The following TSPOAP1 variants were observed in gnomAD, a reference collection of about 807,000 sequenced individuals.
TSPOAP1 encodes TSPO associated protein 1, also known as peripheral-type benzodiazepine receptor-associated protein 1.
In TSPOAP1, 87 loss-of-function variants were observed where a neutral mutation model predicts 197.0. The ratio of observed to expected loss-of-function variants is 0.44; its 90% confidence interval spans 0.37 to 0.53. The LOEUF (loss-of-function observed/expected upper bound fraction) is 0.53, where lower values mean the gene tolerates loss of function less well. TSPOAP1 is among the 20% of genes least tolerant of loss of function. The pLI is 0.00. For synonymous variants in TSPOAP1, 913 were observed against 998.9 expected (o/e 0.91, Z 1.62); for missense variants, 2,174 against 2,411.3 (o/e 0.90, Z 2.06).
At chr17:58,303,129 TG>T (rs1322820775) in intron 31 of TSPOAP1, 1 of 152,448 alleles carries the variant, frequency 6.6e-6, no homozygotes, top group Non-Finnish European at 1.5e-5. Context: ...AATCTCCTCC[TG>T]ACTCCACTCC....
intron 4 of TSPOAP1, chr17:58,325,309 G>A (rs1160878489): frequency 3.2e-6 from 2 of 634,044 alleles, no homozygotes; most frequent in African/African-American, 1.8e-5. Context: ...CAGACCCACC[G>A]GCAAACAGCC....
Position 58,324,985 on chromosome 17 carries a change from G to T in TSPOAP1, c.768C>A (p.Leu256=). ...GCAGCCGATCGAAGTCCCGCACGTGGAGCCACTGGGGACCCTCCTGAGGTT... is the reference window on the plus strand; with the variant it reads ...GCAGCCGATCGAAGTCCCGCACGTGTAGCCACTGGGGACCCTCCTGAGGTT... ...TLVGKEGPQW[L]HVRDFDRLLR... is the part of the protein sequence containing the mutation. The change falls in exon 5 of 32, where the codon CTC becomes CTA. Residue 256 remains leucine (L), a synonymous_variant. Coordinates refer to ENST00000343736, the MANE Select transcript of TSPOAP1 (RefSeq NM_004758.4). The surrounding 1 kb of genome is among the most constrained non-coding windows in gnomAD (Gnocchi z 5.8). 6.5e-7 allele frequency: 1 copy of T among 1,536,420 alleles called. No homozygotes were observed. Among genetic ancestry groups the T allele is most frequent in the Non-Finnish European group, 8.8e-7 (1 of 1,142,262 alleles).
chr17:58,313,865 C>T (rs1971140727), intron 16 of TSPOAP1, among the ~76,000 whole-genome samples: 1 of 152,192 alleles, frequency 6.6e-6, no homozygotes, highest in African/African-American at 2.4e-5. Context: ...GCAGTCAATC[C>T]AGGCAACCAC....
chr17:58,305,975 G>A (rs2144027953), intron 26 of TSPOAP1, 110 bp from the exon 27 acceptor site: 1 of 1,261,940 alleles, frequency 7.9e-7, no homozygotes, highest in African/African-American at 1.5e-5. Context: ...GGCAAGGAAG[G>A]CTGCCGAGGG....
chr17:58,322,046 G>C lies in TSPOAP1; in HGVS notation c.1422+262C>G, dbSNP rs2143115090. The C allele has an allele frequency of 8.6e-6, 4 of 464,694 alleles. No individual in the cohort carries two copies. The South Asian group carries it at 1.4e-4, about 16-fold the overall frequency. The allele number at this position is 464,694 out of a possible 1,614,324, so 28.8% of individuals were successfully genotyped here. A position where few individuals can be genotyped will look rare whatever the true frequency, so the allele number is the denominator to read the frequency against. ...TCACCTCCTCAGGGAGGCCTTCCCT[G>C]ATGACCTCTAAAGTGGCTCCTCACC... On this transcript the variant is annotated intron_variant, in intron 10 of 31. Transcript: ENST00000343736. This position sits in a 1 kb window ranked among gnomAD's most constrained non-coding sequence, Gnocchi z 5.0.
Position 58,322,567 on chromosome 17 carries a change from A to G in TSPOAP1, c.1317+87T>C. The G allele has an allele frequency of 1.3e-6, 2 of 1,578,450 alleles. No individual in the cohort carries two copies. Among genetic ancestry groups the G allele is most frequent in the East Asian group, 2.2e-5 (1 of 44,470 alleles). On this transcript the variant is annotated intron_variant, in intron 9 of 31. Coordinates refer to ENST00000343736, the MANE Select transcript of TSPOAP1 (RefSeq NM_004758.4). The surrounding 1 kb of genome is among the most constrained non-coding windows in gnomAD (Gnocchi z 5.0). ...AGCTCCAGGCCCAGGCCTCAGAGCTAGTGCCCCTCACTAAGAATATTCTGC... is the reference window on the plus strand; with the variant it reads ...AGCTCCAGGCCCAGGCCTCAGAGCTGGTGCCCCTCACTAAGAATATTCTGC...
chr17:58,318,691 G>C (rs977709343), intron 13 of TSPOAP1, among the ~76,000 whole-genome samples: 1 of 152,136 alleles, frequency 6.6e-6, no homozygotes, highest in South Asian at 2.1e-4. Context: ...TACAGCTTAC[G>C]AAACTATGGC....
In TSPOAP1 at chr17:58,322,619, C is replaced by A. The variant is rs773324891; in HGVS notation, c.1317+35G>T. On this transcript the variant is annotated intron_variant, in intron 9 of 31. Transcript: ENST00000343736. This position sits in a 1 kb window ranked among gnomAD's most constrained non-coding sequence, Gnocchi z 5.0. ...GTCCCACTTGCTCCCCATGCCAGGG[C>A]CCAGCACCCTCTCCCACCTGCACCA... 4 of 1,604,150 alleles carry A rather than the reference C, an allele frequency of 2.5e-6. No homozygotes were observed. In the East Asian group the frequency reaches 8.9e-5, roughly 36 times the overall value.
intron 25 of TSPOAP1, 24 bp downstream of exon 25, chr17:58,306,776 G>A (rs2144030826): frequency 6.3e-7 from 1 of 1,596,560 alleles, no homozygotes; most frequent in East Asian, 2.2e-5. Context: ...TGGGAGGTGG[G>A]TGAGGGACAG....
At position 58,324,621 on chromosome 17, in the gene TSPOAP1, G is replaced by A. The variant is rs1351920789; in HGVS notation, c.942+190C>T. 6.6e-6 allele frequency among the ~76,000 whole-genome samples: 1 copy of A among 152,056 alleles called. No homozygotes were observed. Among genetic ancestry groups the A allele is most frequent in the Non-Finnish European group, 1.5e-5 (1 of 67,956 alleles). ...CCCTGGAGCCCCCAGGGGAGGGCACGGCGCAGGTACGAGCACGGGAGGCTT... is the reference window on the plus strand; with the variant it reads ...CCCTGGAGCCCCCAGGGGAGGGCACAGCGCAGGTACGAGCACGGGAGGCTT... On this transcript the variant is annotated intron_variant, in intron 5 of 31. Transcript: ENST00000343736. The surrounding 1 kb of genome is among the most constrained non-coding windows in gnomAD (Gnocchi z 5.8).
chr17:58,317,951 T>C (rs947214012), intron 14 of TSPOAP1, among the ~76,000 whole-genome samples: 1 of 152,240 alleles, frequency 6.6e-6, no homozygotes, highest in Non-Finnish European at 1.5e-5. Flanking sequence ...CTGCTTTCAC[T>C]ACAGATGCTC....
Position 58,308,813 on chromosome 17 carries a change from C to T in TSPOAP1, c.4459G>A (p.Ala1487Thr), listed in dbSNP as rs1428560628. The stretch of plus-strand genomic sequence containing the variant: ...AAGCACTTGGGGGAAAGGCAGCTGG[C>T]CAGGCCAGGCTCCAGCGCCCGGCCA... ...SRGRALEPGL[A>T]SCLSPKCLEI... is the part of the protein sequence containing the mutation. The change falls in exon 22 of 32, where the codon GCC becomes ACC. Residue 1487 changes from alanine (A) to threonine (T), a missense_variant. Ala to Thr is a moderately conservative substitution (Grantham distance 58). Around this residue, in one of 5 missense-constraint regions of TSPOAP1, gnomAD observed 1,933 missense variants for 2,139.0 expected, o/e 0.90. Coordinates refer to ENST00000343736, the MANE Select transcript of TSPOAP1 (RefSeq NM_004758.4). The T allele has an allele frequency of 6.2e-7, 1 of 1,612,848 alleles. No homozygotes were observed.
Position 58,326,863 on chromosome 17 carries a change from C to A in TSPOAP1, c.334-73G>T. The A allele has an allele frequency of 8.1e-7, 1 of 1,238,746 alleles. No homozygotes were observed. The highest frequency in any genetic ancestry group is 1.2e-5 in the South Asian group (1 of 82,246). 76.7% of individuals were successfully genotyped at this position (1,238,746 alleles called of 1,614,324 possible). ...CCAGCCAGAGCCTTCCCTGTGGAAGCATCCACCATCCATGGTCCAAGGAGA... is the reference window on the plus strand; with the variant it reads ...CCAGCCAGAGCCTTCCCTGTGGAAGAATCCACCATCCATGGTCCAAGGAGA... On this transcript the variant is annotated intron_variant, in intron 1 of 31. Coordinates refer to ENST00000343736, the MANE Select transcript of TSPOAP1 (RefSeq NM_004758.4). The surrounding 1 kb of genome is among the most constrained non-coding windows in gnomAD (Gnocchi z 4.7).
chr17:58,315,950 TG>T (rs1971219575), intron 16 of TSPOAP1, 72 bp downstream of exon 16: 1 of 1,114,798 alleles, frequency 9.0e-7, no homozygotes, highest in African/African-American at 1.5e-5. Context: ...GATGGATGGA[TG>T]GATATCCGTC....
At chr17:58,323,637 C>T in intron 5 of TSPOAP1, 92 bp from the exon 6 acceptor site, 2 of 1,345,354 alleles carry the variant, frequency 1.5e-6, no homozygotes, top group Non-Finnish European at 2.0e-6. Context: ...AGGTTCCCAC[C>T]CCATCATTCA....
In TSPOAP1 at chr17:58,312,636, G is replaced by A; in HGVS notation, c.2185C>T (p.Pro729Ser). The A allele has an allele frequency of 6.2e-7, 1 of 1,613,846 alleles. No homozygotes were observed. Among genetic ancestry groups the A allele is most frequent in the Non-Finnish European group, 8.5e-7 (1 of 1,180,040 alleles). Residue 729 changes from proline to serine, a missense_variant, in exon 17 of 32, where the codon CCA (proline) becomes TCA (serine). Transcript: ENST00000343736. Reference sequence around the variant, plus strand: ...CTGTGGGACAAATCGGCCAGCTCTGGAGGGAGGGAGGTCAGGAGGTCATCA... The same window carrying A: ...CTGTGGGACAAATCGGCCAGCTCTGAAGGGAGGGAGGTCAGGAGGTCATCA... ...SDDDLLTSLP[P>S]ELADLSHSSG...
intron 16 of TSPOAP1, among the ~76,000 whole-genome samples, chr17:58,314,276 T>A (rs1233871657): frequency 6.6e-6 from 1 of 152,114 alleles, no homozygotes; most frequent in Non-Finnish European, 1.5e-5. Flanking sequence ...ATAAGCACTG[T>A]AGAGGGTTGA....
intron 17 of TSPOAP1, 66 bp from the exon 18 acceptor site, chr17:58,311,788 T>C: frequency 6.6e-7 from 1 of 1,504,348 alleles, no homozygotes; most frequent in Non-Finnish European, 8.9e-7. Context: ...CCTGCCCAAT[T>C]TGCTATTTCC....
In TSPOAP1 at chr17:58,307,888, G is replaced by A. The variant is rs1970951676; in HGVS notation, c.4785C>T (p.Pro1595=). The part of the protein sequence containing the change: ...RGQDGSGRRG[P]QKRGVRVLRP... ...TGAGGACTCGGACACCTCTCTTCTG[G>A]GGGCCCCTCCGCCCAGAGCCGTCCT... Residue 1595 remains proline (P), a synonymous_variant, in exon 23 of 32, where the codon CCC becomes CCT. Transcript: ENST00000343736. 6.2e-7 allele frequency: 1 copy of A among 1,613,436 alleles called. No homozygotes were observed. The highest frequency in any genetic ancestry group is 1.3e-5 in the African/African-American group (1 of 74,934).
Sources: gnomAD v4.1 joint callset for allele counts (sites outside exome capture counted in the v4.1 genomes callset) on GRCh38, gnomAD v4.1.1 for gene constraint, gnomAD v4.1.1 regional missense constraint, Gnocchi (gnomAD v3.1) non-coding constraint, MANE v1.5 for transcripts, NCBI Gene and HGNC (gene_info 2026-07-23, HGNC 2026-07-21) for gene names.